Variants in ABCA1 observed in about 807,000 individuals in gnomAD.
ABCA1 encodes the protein ATP binding cassette subfamily A member 1, also known as phospholipid-transporting ATPase ABCA1.
ABCA1 carries 133 observed loss-of-function variants against 262.5 expected under a neutral mutation model. The observed-to-expected ratio is 0.51, with a 90% confidence interval of 0.44 to 0.59. The LOEUF is 0.59. Among genes scored for constraint, ABCA1 ranks in the 20% least tolerant of loss-of-function variants. The pLI is 0.00. For synonymous variants in ABCA1, 1,022 were observed against 1,043.5 expected, an observed-to-expected ratio of 0.98 and a Z score of 0.40; for missense variants, 2,452 against 2,777.5, an observed-to-expected ratio of 0.88 and a Z score of 2.63.
chr9:104,845,461 G>T lies in ABCA1; in HGVS notation c.813+16C>A. On this transcript the variant is annotated intron_variant, in intron 8 of 49. Transcript: ENST00000374736. ...GTGGATGATCCGCTTCCTGGTACTG[G>T]AAAGACACAACTTACCTCCTGGGCC... The T allele has an allele frequency of 6.3e-7, 1 of 1,597,750 alleles. No homozygotes were observed. Among genetic ancestry groups the T allele is most frequent in the Non-Finnish European group, 8.6e-7 (1 of 1,165,486 alleles).
chr9:104,825,469 C>T (rs369392791), intron 17 of ABCA1: 92 of 621,122 alleles, frequency 1.5e-4, no homozygotes, highest in African/African-American at 1.4e-3. Context: ...ATTTTGCATG[C>T]TGCCTGGCAC....
At position 104,834,756 on chromosome 9, in the gene ABCA1, A is replaced by G. The variant is rs368756485; in HGVS notation, c.1312-1985T>C. 3.2e-4 allele frequency among the ~76,000 whole-genome samples: 43 copies of G among 132,392 alleles called. 7 individuals carry two copies. The East Asian group carries it at 6.3e-3, about 19-fold the overall frequency. The allele number at this position is 132,392 out of a possible 152,430, so 86.9% of individuals were successfully genotyped here. On this transcript the variant is annotated intron_variant, in intron 11 of 49. Coordinates refer to ENST00000374736, the MANE Select transcript of ABCA1 (RefSeq NM_005502.4). The stretch of plus-strand genomic sequence containing the variant: ...AGAAAAGAGAGCAAATCAGTGTCAG[A>G]GGGTTCCAAGACTTGCCCGAGAGAG...
rs776388741 is a variant in ABCA1, at chr9:104,806,296, A to G, written c.4409T>C (p.Ile1470Thr). The stretch of plus-strand genomic sequence containing the variant: ...GGGACACACAGGCAGCATCTTCTTG[A>G]TTTTGTCGCTGCTACACTGGCATGC... ...SPACQCSSDK[I>T]KKMLPVCPPG... The change falls in exon 31 of 50, where the codon ATC becomes ACC. Residue 1470 changes from isoleucine (I) to threonine (T), a missense_variant. Physicochemically the swap from Ile to Thr is moderately conservative, Grantham distance 89 (BLOSUM62 -1). Transcript: ENST00000374736. The G allele has an allele frequency of 1.9e-6, 3 of 1,613,890 alleles. No individual in the cohort carries two copies. The South Asian group carries it at 3.3e-5, about 18-fold the overall frequency.
In ABCA1 at chr9:104,800,535, C is replaced by T; in HGVS notation, c.4748G>A (p.Gly1583Glu). Residue 1583 changes from glycine (G) to glutamate (E), a missense_variant, in exon 35 of 50, where the codon GGA becomes GAA. Around this residue, in one of 4 missense-constraint regions of ABCA1, gnomAD observed 752 missense variants for 944.5 expected, o/e 0.80. Coordinates refer to ENST00000374736, the MANE Select transcript of ABCA1 (RefSeq NM_005502.4). The stretch of plus-strand genomic sequence containing the variant: ...CTTGACATTATTTTTGGTGTCCAGT[C>T]CTGTCATAAATCTTCCCAAGCTGTT... ...FLNSLGRFMT[G>E]LDTKNNVKVW... 1 of 1,614,066 alleles carries T rather than the reference C, an allele frequency of 6.2e-7. No individual in the cohort carries two copies. The highest frequency in any genetic ancestry group is 2.2e-5 in the East Asian group (1 of 44,880).
Position 104,830,984 on chromosome 9 carries a change from G to A in ABCA1, c.1833C>T (p.Thr611=), listed in dbSNP as rs151051906. ...EQAIIRVLTG[T]EKKTGVYMQQ... Reference sequence around the variant, plus strand: ...GCATATAGACACCAGTTTTCTTCTCGGTGCCCGTCAGCACCCTGATGATTG... The same window carrying A: ...GCATATAGACACCAGTTTTCTTCTCAGTGCCCGTCAGCACCCTGATGATTG... Residue 611 remains threonine (T), a synonymous_variant, in exon 14 of 50, where the codon ACC becomes ACT. Coordinates refer to ENST00000374736, the MANE Select transcript of ABCA1 (RefSeq NM_005502.4). 15 of 1,613,512 alleles carry A rather than the reference G, an allele frequency of 9.3e-6. No homozygotes were observed. The highest frequency in any genetic ancestry group is 5.3e-5 in the African/African-American group (4 of 74,830).
At chr9:104,862,694 C>CGGGCAGGGCAGGGCAGGGCA (rs1836708012) in intron 5 of ABCA1, among the ~76,000 whole-genome samples, 1 of 8,938 alleles carries the variant, frequency 1.1e-4, no homozygotes, top group African/African-American at 5.2e-4. Flanking sequence ...CGGGCCGGGC[C>CGGGCAGGGCAGGGCAGGGCA]GGGCCGGCCC....
chr9:104,796,255 T>C (rs1829888359), intron 38 of ABCA1, 54 bp downstream of exon 38: 1 of 1,613,810 alleles, frequency 6.2e-7, no homozygotes, highest in African/African-American at 1.3e-5. Flanking sequence ...CTTCTGACAC[T>C]GGGCACCAAA....
At chr9:104,921,100 G>A (rs541575861) in intron 1 of ABCA1, among the ~76,000 whole-genome samples, 1 of 150,760 alleles carries the variant, frequency 6.6e-6, no homozygotes, top group Admixed American at 6.6e-5. Flanking sequence ...TTATTTAGAA[G>A]AACTAAATCA....
rs547501729 is a variant in ABCA1 at position 104,837,241 on chromosome 9, A to G, written c.1195-145T>C. ...CCCCAAGAAATGCCTGCTTGTAACT[A>G]TGATTCTATACCCACGACTGGGGAG... On this transcript the variant is annotated intron_variant, in intron 10 of 49. Transcript: ENST00000374736. 17 of 1,050,242 alleles carry G rather than the reference A, an allele frequency of 1.6e-5. No individual in the cohort carries two copies. The East Asian group carries it at 2.6e-4, about 16-fold the overall frequency. 65.1% of individuals were successfully genotyped at this position (1,050,242 alleles called of 1,614,324 possible). A position where few individuals can be genotyped will look rare whatever the true frequency, so the allele number is the denominator to read the frequency against.
chr9:104,875,818 T>A (rs1408201084), intron 5 of ABCA1, among the ~76,000 whole-genome samples: 2 of 152,136 alleles, frequency 1.3e-5, no homozygotes, highest in Non-Finnish European at 2.9e-5. Context: ...ACAGTTCTCA[T>A]GGAGAGTGCC....
chr9:104,786,924 C>T lies in ABCA1; in HGVS notation c.6257G>A (p.Cys2086Tyr), dbSNP rs1331514556. The T allele has an allele frequency of 1.2e-6, 2 of 1,614,000 alleles. No individual in the cohort carries two copies. The highest frequency in any genetic ancestry group is 4.5e-5 in the East Asian group (2 of 44,866). The change falls in exon 47 of 50, where the codon TGT (cysteine) becomes TAT (tyrosine). Residue 2086 changes from cysteine to tyrosine, a missense_variant. Physicochemically the swap from Cys to Tyr is radical, Grantham distance 194. Transcript: ENST00000374736. ...CCCCTCCTTGACAACACTTAGGGCA[C>T]AATTCCACAAGAACCGCCGGGCTTT... The part of the protein sequence containing the change: ...DPKARRFLWN[C>Y]ALSVVKEGRS...
intron 37 of ABCA1, among the ~76,000 whole-genome samples, 192 bp from the exon 38 acceptor site, chr9:104,796,616 G>C (rs1273735023): frequency 1.3e-5 from 2 of 152,212 alleles, no homozygotes; most frequent in African/African-American, 2.4e-5. Context: ...CCCCTTGGCT[G>C]ATTTTATAAA....
intron 11 of ABCA1, among the ~76,000 whole-genome samples, chr9:104,835,251 A>G (rs1434240685): frequency 2.0e-5 from 3 of 151,730 alleles, no homozygotes; most frequent in African/African-American, 7.3e-5. Flanking sequence ...CTGTCCAAAA[A>G]AAAAAAAAAA....
At chr9:104,825,043 C>T (rs1054931397) in intron 17 of ABCA1, among the ~76,000 whole-genome samples, 9 of 152,180 alleles carry the variant, frequency 5.9e-5, no homozygotes, top group Non-Finnish European at 7.3e-5. Flanking sequence ...AACTGTCCAA[C>T]GCAGGTTCCT....
At chr9:104,849,566 C>G (rs1418224843) in intron 7 of ABCA1, among the ~76,000 whole-genome samples, 1 of 152,186 alleles carries the variant, frequency 6.6e-6, no homozygotes, top group Non-Finnish European at 1.5e-5. Flanking sequence ...AAACAAATTT[C>G]CATTTTCAAA....
rs138056193 is a variant in ABCA1 at position 104,814,457 on chromosome 9, C to T, written c.3757G>A (p.Glu1253Lys). The T allele has an allele frequency of 3.3e-5, 54 of 1,614,158 alleles. No individual in the cohort carries two copies. Among genetic ancestry groups the T allele is most frequent in the East Asian group, 2.9e-4 (13 of 44,890 alleles). The change falls in exon 26 of 50, where the codon GAA becomes AAA. Residue 1253 changes from glutamate (E) to lysine (K), a missense_variant. This residue lies in a region of ABCA1 where 665 missense variants were observed against 727.3 expected (regional missense o/e 0.91). Coordinates refer to ENST00000374736, the MANE Select transcript of ABCA1 (RefSeq NM_005502.4). ...TLEEIFLKVA[E>K]ESGVDAETSD... ...GTCTCAGCATCCACCCCACTCTCTT[C>T]GGCCACCTTGAGGAATATCTGGAAA...
Position 104,829,032 on chromosome 9 carries a change from G to T in ABCA1, c.1999C>A (p.Leu667Met). The change falls in exon 15 of 50, where the codon CTG becomes ATG. Residue 667 changes from leucine (L) to methionine (M), a missense_variant. Around this residue, in one of 4 missense-constraint regions of ABCA1, gnomAD observed 1,032 missense variants for 1,089.7 expected, o/e 0.95. Transcript: ENST00000374736. ...KGIVYEKEAR[L>M]KETMRIMGLD... ...CCCATGATCCGCATGGTCTCTTTCAGCCGTGCCTCCTTCTCATACACGATG... is the reference window on the plus strand; with the variant it reads ...CCCATGATCCGCATGGTCTCTTTCATCCGTGCCTCCTTCTCATACACGATG... The T allele has an allele frequency of 1.2e-6, 2 of 1,614,196 alleles. No homozygotes were observed. Among genetic ancestry groups the T allele is most frequent in the Non-Finnish European group, 1.7e-6 (2 of 1,180,044 alleles).
intron 30 of ABCA1, among the ~76,000 whole-genome samples, chr9:104,807,867 CACACACACAT>C (rs199734367): frequency 0.027 from 3,881 of 145,370 alleles, 161 homozygotes; most frequent in African/African-American, 0.093. Context: ...CACACACACA[CACACACACAT>C]ATATATATTA....
intron 15 of ABCA1, among the ~76,000 whole-genome samples, chr9:104,828,346 C>T (rs73519874): frequency 0.047 from 7,173 of 152,266 alleles, 587 homozygotes; most frequent in African/African-American, 0.16. Context: ...CGATGAAGAA[C>T]AACTCCAACA....
Sources: gnomAD v4.1 joint callset for allele counts (sites outside exome capture counted in the v4.1 genomes callset) on GRCh38, gnomAD v4.1.1 for gene constraint, gnomAD v4.1.1 regional missense constraint, MANE v1.5 for transcripts, NCBI Gene and HGNC (gene_info 2026-07-23, HGNC 2026-07-21) for gene names.